Variants in GPC5 observed in about 807,000 individuals in gnomAD.
The protein encoded by GPC5 is glypican-5.
GPC5 carries 47 observed loss-of-function variants against 53.9 expected under a neutral mutation model. The ratio of observed to expected loss-of-function variants is 0.87; its 90% confidence interval spans 0.69 to 1.11. The LOEUF (loss-of-function observed/expected upper bound fraction) is 1.11. GPC5 is among the 50% of genes most tolerant of loss of function. The pLI is 0.00. For synonymous variants in GPC5, 286 were observed against 263.3 expected (o/e 1.09, Z -0.84); for missense variants, 748 against 713.1 (o/e 1.05, Z -0.56).
At chr13:91,694,086 A>G (rs1443991122) in intron 3 of GPC5, among the ~76,000 whole-genome samples, 1 of 152,190 alleles carries the variant, frequency 6.6e-6, no homozygotes, top group Non-Finnish European at 1.5e-5. Flanking sequence ...GAGTACTGTG[A>G]CGTGGCAAGA....
intron 7 of GPC5, among the ~76,000 whole-genome samples, chr13:92,361,194 A>C (rs72638665): frequency 6.6e-6 from 1 of 151,708 alleles, no homozygotes; most frequent in Middle Eastern, 3.4e-3. Flanking sequence ...TAAAGGAAAA[A>C]AAACAATGGA....
intron 7 of GPC5, among the ~76,000 whole-genome samples, chr13:92,799,664 G>A (rs1006436293): frequency 6.6e-6 from 1 of 151,756 alleles, no homozygotes; most frequent in African/African-American, 2.4e-5. Context: ...TTACAATTGT[G>A]ATTCTTTAGT....
intron 7 of GPC5, among the ~76,000 whole-genome samples, chr13:92,484,958 A>T (rs1488435014): frequency 1.3e-5 from 2 of 151,882 alleles, no homozygotes; most frequent in South Asian, 4.2e-4. Context: ...TTGGTCTCGA[A>T]CTCCTGACCT....
intron 2 of GPC5, among the ~76,000 whole-genome samples, chr13:91,533,821 G>C (rs979586673): frequency 6.6e-6 from 1 of 152,102 alleles, no homozygotes. Flanking sequence ...CAAAATCAAT[G>C]ATTTAGAGCC....
At chr13:91,929,812 AT>A (rs997658410) in intron 6 of GPC5, among the ~76,000 whole-genome samples, 17 of 134,128 alleles carry the variant, frequency 1.3e-4, no homozygotes, top group Non-Finnish European at 1.7e-4. Flanking sequence ...CAGATTTTCT[AT>A]TTTTTTTTTA....
chr13:92,628,948 GCT>G (rs1323791977), intron 7 of GPC5, among the ~76,000 whole-genome samples: 1 of 152,072 alleles, frequency 6.6e-6, no homozygotes, highest in Admixed American at 6.5e-5. Flanking sequence ...TTTCTTTCTA[GCT>G]CTCTTGTTGT....
chr13:91,572,329 C>A (rs1243156107), intron 2 of GPC5, among the ~76,000 whole-genome samples: 1 of 150,962 alleles, frequency 6.6e-6, no homozygotes, highest in Admixed American at 6.6e-5. Context: ...AAAATAACTT[C>A]GAGTTAAAGG....
At chr13:92,092,711 A>T (rs2041390502) in intron 6 of GPC5, among the ~76,000 whole-genome samples, 1 of 152,192 alleles carries the variant, frequency 6.6e-6, no homozygotes, top group South Asian at 2.1e-4. Context: ...TCTGGCATGT[A>T]TTAAGAAAAT....
At chr13:92,194,792 A>G (rs1254330992) in intron 7 of GPC5, among the ~76,000 whole-genome samples, 1 of 152,184 alleles carries the variant, frequency 6.6e-6, no homozygotes, top group Non-Finnish European at 1.5e-5. Flanking sequence ...TTCACTTCCA[A>G]TGGTCTTTCT....
At chr13:91,498,575 G>A (rs922836930) in intron 2 of GPC5, among the ~76,000 whole-genome samples, 1 of 152,078 alleles carries the variant, frequency 6.6e-6, no homozygotes, top group Non-Finnish European at 1.5e-5. Context: ...AGTAGGTTGG[G>A]GAATCTGGGA....
intron 7 of GPC5, among the ~76,000 whole-genome samples, chr13:92,780,552 C>T (rs1875985160): frequency 6.6e-6 from 1 of 151,978 alleles, no homozygotes; most frequent in Admixed American, 6.6e-5. Context: ...TGATAATGCT[C>T]ATTAGCTTTA....
In GPC5 at chr13:91,653,611, A is replaced by T. The variant is rs139770244; in HGVS notation, c.326-39576A>T. 1.4e-4 allele frequency among the ~76,000 whole-genome samples: 21 copies of T among 152,272 alleles called. 1 individual carries two copies. The East Asian group carries it at 4.1e-3, about 29-fold the overall frequency. On this transcript the variant is annotated intron_variant, in intron 2 of 7. Coordinates refer to ENST00000377067, the MANE Select transcript of GPC5 (RefSeq NM_004466.6). The stretch of plus-strand genomic sequence containing the variant: ...TGAACAAAACAAAACAAAAACAAAA[A>T]AACATAATCAATCAAAGAATCCTTT...
chr13:92,631,629 A>T (rs1015822300), intron 7 of GPC5, among the ~76,000 whole-genome samples: 2 of 152,168 alleles, frequency 1.3e-5, no homozygotes, highest in African/African-American at 2.4e-5. Flanking sequence ...ATTGCCAAAA[A>T]CTGCAACTGC....
At chr13:92,500,283 A>G (rs144065515) in intron 7 of GPC5, among the ~76,000 whole-genome samples, 29 of 152,250 alleles carry the variant, frequency 1.9e-4, no homozygotes, top group Non-Finnish European at 3.2e-4. Flanking sequence ...AATCCAGACC[A>G]CTTACAGACT....
chr13:91,727,168 G>T (rs922233491), intron 3 of GPC5, among the ~76,000 whole-genome samples: 2 of 152,148 alleles, frequency 1.3e-5, no homozygotes, highest in Non-Finnish European at 2.9e-5. Flanking sequence ...ATTCAGATTT[G>T]TATCTCTAGC....
intron 1 of GPC5, among the ~76,000 whole-genome samples, chr13:91,437,523 C>G (rs1426169820): frequency 6.6e-6 from 1 of 152,228 alleles, no homozygotes; most frequent in Non-Finnish European, 1.5e-5. Flanking sequence ...CCCCCACTCT[C>G]TTCTGGCTTG....
intron 2 of GPC5, among the ~76,000 whole-genome samples, chr13:91,581,634 T>C (rs556780104): frequency 4.0e-4 from 61 of 152,330 alleles, no homozygotes; most frequent in African/African-American, 1.4e-3. Flanking sequence ...TGCTTGTGCA[T>C]AAAATATTTG....
intron 7 of GPC5, among the ~76,000 whole-genome samples, chr13:92,554,172 G>T (rs1882415716): frequency 6.6e-6 from 1 of 151,872 alleles, no homozygotes; most frequent in Non-Finnish European, 1.5e-5. Flanking sequence ...GGTGGAAGTT[G>T]TACATTTCAA....
At chr13:92,471,094 T>C (rs931769329) in intron 7 of GPC5, among the ~76,000 whole-genome samples, 3 of 152,000 alleles carry the variant, frequency 2.0e-5, no homozygotes, top group Non-Finnish European at 1.5e-5. Context: ...TTATCGGGGC[T>C]AGAAAAATGG....
Sources: allele counts gnomAD v4.1 joint callset (sites outside exome capture counted in the v4.1 genomes callset), GRCh38; gene constraint gnomAD v4.1.1; transcripts MANE v1.5; gene names NCBI Gene and HGNC (gene_info 2026-07-23, HGNC 2026-07-21).